Variants in ZFAT observed in about 807,000 individuals in gnomAD.
ZFAT encodes zinc finger protein ZFAT.
In ZFAT, 64 loss-of-function variants were observed where a neutral mutation model predicts 117.7. The observed-to-expected ratio is 0.54, with a 90% CI of 0.44 to 0.67. The LOEUF (loss-of-function observed/expected upper bound fraction) is 0.67. ZFAT is among the 30% of genes least tolerant of loss of function. The pLI is 0.00. For missense variants in ZFAT, 1,433 were observed against 1,584.5 expected (o/e 0.90, Z 1.62); for synonymous variants, 679 against 615.0 (o/e 1.10, Z -1.54).
chr8:134,533,070 G>GCTCATCTCAGGCTTTC, intron 11 of ZFAT, 98 bp from the exon 12 acceptor site: 1 of 1,489,534 alleles, frequency 6.7e-7, no homozygotes, highest in South Asian at 1.3e-5. Flanking sequence ...CTGAAAGCCT[G>GCTCATCTCAGGCTTTC]AGATGAGCAG....
chr8:134,759,978 AAAAAAAAAAAAAC>A, the ZFAT span, among the ~76,000 whole-genome samples: 2 of 149,242 alleles, frequency 1.3e-5, no homozygotes, highest in African/African-American at 5.0e-5. Flanking sequence ...CTCAAAAAAA[AAAAAAAAAAAAAC>A]AAACAGAGGC....
rs974618782 is a variant in ZFAT, at chr8:134,650,238, G to A, written c.196+7323C>T. On this transcript the variant is annotated intron_variant, in intron 2 of 15. Transcript: ENST00000377838. Reference sequence around the variant, plus strand: ...CCTGGGTTCAAGTGATTCTTCTGCTGCCTCAGCCTCCCGAGAAGCTGGGAC... The same window carrying A: ...CCTGGGTTCAAGTGATTCTTCTGCTACCTCAGCCTCCCGAGAAGCTGGGAC... Among the ~76,000 whole-genome samples, 80 of 150,106 alleles carry A rather than the reference G, an allele frequency of 5.3e-4. 1 individual carries two copies. Among genetic ancestry groups the A allele is most frequent in the African/African-American group, 1.9e-3 (78 of 40,680 alleles).
At chr8:134,527,319 CT>C (rs1183797829) in intron 12 of ZFAT, among the ~76,000 whole-genome samples, 3 of 152,220 alleles carry the variant, frequency 2.0e-5, no homozygotes, top group Non-Finnish European at 2.9e-5. Context: ...GATAATAAAA[CT>C]GTGTTGTTTT....
chr8:134,519,021 A>G (rs1196440727), intron 13 of ZFAT, among the ~76,000 whole-genome samples: 1 of 152,186 alleles, frequency 6.6e-6, no homozygotes, highest in Non-Finnish European at 1.5e-5. Context: ...ATGCACACTT[A>G]GAGAGATTTC....
In ZFAT at chr8:134,530,416, C is replaced by T. The variant is rs528067212; in HGVS notation, c.3115+2418G>A. On this transcript the variant is annotated intron_variant, in intron 12 of 15. Transcript: ENST00000377838. ...GTAATTTAATCTGGTTTCATGTTCT[C>T]CTTTCATTCTGCTCCTCTCTCCTAG... 4.3e-3 allele frequency among the ~76,000 whole-genome samples: 648 copies of T among 152,312 alleles called. 2 individuals are homozygous for T. Among genetic ancestry groups the T allele is most frequent in the South Asian group, 0.014 (66 of 4,820 alleles).
chr8:134,812,766 T>C, the ZFAT span, among the ~76,000 whole-genome samples: 5 of 152,174 alleles, frequency 3.3e-5, no homozygotes, highest in African/African-American at 1.2e-4. Context: ...GTATTATAGA[T>C]ATGCAGCAAC....
chr8:134,521,924 G>A (rs1035989634), intron 12 of ZFAT, among the ~76,000 whole-genome samples: 1 of 152,130 alleles, frequency 6.6e-6, no homozygotes, highest in Non-Finnish European at 1.5e-5. Flanking sequence ...TGAGCTACCC[G>A]ATTCCAGCAG....
chr8:134,590,911 C>A (rs563151533), intron 7 of ZFAT, among the ~76,000 whole-genome samples: 38 of 152,316 alleles, frequency 2.5e-4, no homozygotes, highest in Admixed American at 2.2e-3. Flanking sequence ...CAAAGTACAT[C>A]CTTCCAAGCA....
At chr8:134,524,100 GTCCTCT>G (rs1820853775) in intron 12 of ZFAT, among the ~76,000 whole-genome samples, 1 of 152,196 alleles carries the variant, frequency 6.6e-6, no homozygotes, top group African/African-American at 2.4e-5. Flanking sequence ...GTCTTGGCAA[GTCCTCT>G]TCTTTCTTGA....
intron 11 of ZFAT, among the ~76,000 whole-genome samples, chr8:134,557,178 G>A (rs186537239): frequency 6.7e-6 from 1 of 150,012 alleles, no homozygotes; most frequent in African/African-American, 2.5e-5. Context: ...ACAAAGATAA[G>A]TTAAGGTCTA....
At chr8:134,692,392 G>T (rs1833626006) in intron 1 of ZFAT, among the ~76,000 whole-genome samples, 1 of 152,208 alleles carries the variant, frequency 6.6e-6, no homozygotes, top group South Asian at 2.1e-4. Context: ...CAGAATCCAG[G>T]TGTCAGCAGG....
chr8:134,499,701 A>T (rs1018439894), intron 15 of ZFAT, among the ~76,000 whole-genome samples: 22 of 152,226 alleles, frequency 1.4e-4, no homozygotes, highest in African/African-American at 4.6e-4. Flanking sequence ...GCGACTCTGC[A>T]TTTCTCACAA....
intron 10 of ZFAT, among the ~76,000 whole-genome samples, chr8:134,568,354 C>A (rs759293673): frequency 1.3e-5 from 2 of 152,156 alleles, no homozygotes; most frequent in Non-Finnish European, 2.9e-5. Context: ...CAGGGCCACA[C>A]ATTTCTACAC....
chr8:134,719,996 C>A, the ZFAT span, among the ~76,000 whole-genome samples: 2 of 152,230 alleles, frequency 1.3e-5, no homozygotes, highest in Non-Finnish European at 2.9e-5. Context: ...CGCCATGGAA[C>A]ACAAACAGCA....
intron 3 of ZFAT, among the ~76,000 whole-genome samples, chr8:134,627,440 C>T (rs1829592051): frequency 6.6e-6 from 1 of 152,124 alleles, no homozygotes; most frequent in Non-Finnish European, 1.5e-5. Flanking sequence ...CCATACATAA[C>T]CCTTAAGTAC....
Position 134,511,721 on chromosome 8 carries a change from G to A in ZFAT, c.3361+754C>T, listed in dbSNP as rs538095463. ...GTGTTCTGTTCATCTTTTAAAAAGA[G>A]CATCAAGAAAAACTGTTTTCTAAGC... On this transcript the variant is annotated intron_variant, in intron 14 of 15. Coordinates refer to ENST00000377838, the MANE Select transcript of ZFAT (RefSeq NM_020863.4). 4.6e-5 allele frequency among the ~76,000 whole-genome samples: 7 copies of A among 152,302 alleles called. No homozygotes were observed. The East Asian group carries it at 1.3e-3, about 29-fold the overall frequency.
At chr8:134,679,078 A>G (rs1042202312) in intron 1 of ZFAT, among the ~76,000 whole-genome samples, 1 of 152,260 alleles carries the variant, frequency 6.6e-6, no homozygotes, top group East Asian at 1.9e-4. Context: ...AAAAGCTGAA[A>G]CTGACAAATA....
At chr8:134,720,132 C>G in the ZFAT span, among the ~76,000 whole-genome samples, 1 of 152,306 alleles carries the variant, frequency 6.6e-6, no homozygotes, top group African/African-American at 2.4e-5. Flanking sequence ...GAGAGAAAAC[C>G]CAGAGGACAG....
intron 11 of ZFAT, among the ~76,000 whole-genome samples, chr8:134,546,192 C>T (rs1465457987): frequency 6.6e-6 from 1 of 152,200 alleles, no homozygotes; most frequent in Non-Finnish European, 1.5e-5. Flanking sequence ...GTAGGAATTT[C>T]TCTCTAAAGA....
Sources: allele counts gnomAD v4.1 joint callset (sites outside exome capture counted in the v4.1 genomes callset), GRCh38; gene constraint gnomAD v4.1.1; transcripts MANE v1.5; gene names NCBI Gene and HGNC (gene_info 2026-07-23, HGNC 2026-07-21).